OSBPL9: variants seen among roughly 807,000 people sequenced by gnomAD.
The protein encoded by OSBPL9 is oxysterol-binding protein-related protein 9.
OSBPL9 carries 40 observed loss-of-function variants against 106.6 expected under a neutral mutation model. The observed-to-expected ratio is 0.38, with a 90% CI of 0.29 to 0.49. The LOEUF is 0.49. Among genes scored for constraint, OSBPL9 ranks in the 20% least tolerant of loss-of-function variants. The pLI is 0.97. For synonymous variants in OSBPL9, 269 were observed against 295.4 expected (o/e 0.91, Z 0.92); for missense variants, 609 against 887.2 (o/e 0.69, Z 3.98).
chr1:51,782,327 T>A (rs1308406643), intron 16 of OSBPL9, among the ~76,000 whole-genome samples: 5 of 152,228 alleles, frequency 3.3e-5, no homozygotes, highest in African/African-American at 9.6e-5. Context: ...GATAAGTGCC[T>A]ACTCTTGTCA....
intron 11 of OSBPL9, among the ~76,000 whole-genome samples, chr1:51,762,693 A>T (rs1671779749): frequency 6.6e-6 from 1 of 152,076 alleles, no homozygotes; most frequent in South Asian, 2.1e-4. Context: ...GTGTATTTTT[A>T]TTGTTTTTGT....
chr1:51,528,626 C>G, the OSBPL9 span, among the ~76,000 whole-genome samples: 2 of 152,082 alleles, frequency 1.3e-5, no homozygotes, highest in African/African-American at 4.8e-5. Flanking sequence ...AACCCCAGCA[C>G]TTTGGGAGGT....
At chr1:51,764,758 AT>A (rs1220294950) in intron 11 of OSBPL9, among the ~76,000 whole-genome samples, 1 of 151,878 alleles carries the variant, frequency 6.6e-6, no homozygotes, top group African/African-American at 2.4e-5. Context: ...TTATTTATCT[AT>A]TTTTTTAAGA....
intron 1 of OSBPL9, among the ~76,000 whole-genome samples, chr1:51,593,707 A>C (rs1210932553): frequency 6.6e-6 from 1 of 152,148 alleles, no homozygotes; most frequent in African/African-American, 2.4e-5. Context: ...TGCTACCCTC[A>C]AAACAGTATT....
chr1:51,600,150 C>T (rs1164621205), intron 2 of OSBPL9, among the ~76,000 whole-genome samples: 2 of 152,214 alleles, frequency 1.3e-5, no homozygotes, highest in African/African-American at 4.8e-5. Context: ...TGGAGGGACA[C>T]TTACATTCAA....
intron 1 of OSBPL9, among the ~76,000 whole-genome samples, chr1:51,644,555 C>T (rs369517974): frequency 7.1e-4 from 108 of 152,048 alleles, no homozygotes; most frequent in Non-Finnish European, 1.2e-3. Context: ...CTTGAACTCC[C>T]GACCTCATGT....
In OSBPL9 at chr1:51,737,402, A is replaced by G. The variant is rs1319076710; in HGVS notation, c.319-8134A>G. On this transcript the variant is annotated intron_variant, in intron 4 of 23. Coordinates refer to ENST00000428468, the MANE Select transcript of OSBPL9 (RefSeq NM_024586.6). ...AATGTAAATTATAAAATAAATGCATATTTATTTTAAAAAATTAAACAACAT... is the reference window on the plus strand; with the variant it reads ...AATGTAAATTATAAAATAAATGCATGTTTATTTTAAAAAATTAAACAACAT... Among the ~76,000 whole-genome samples, 8 of 152,126 alleles carry G rather than the reference A, an allele frequency of 5.3e-5. No homozygotes were observed. In the East Asian group the frequency reaches 1.5e-3, roughly 29 times the overall value.
the OSBPL9 span, among the ~76,000 whole-genome samples, chr1:51,530,179 A>AAAAAAAAAAAAAAAAC: frequency 8.8e-6 from 1 of 114,122 alleles, no homozygotes; most frequent in Non-Finnish European, 1.8e-5. Flanking sequence ...TCAAAAAAAA[A>AAAAAAAAAAAAAAAAC]AAAAAAAAAA....
chr1:51,607,153 C>CTTTACTTTTTTT (rs1557582737), intron 2 of OSBPL9, among the ~76,000 whole-genome samples: 1 of 148,812 alleles, frequency 6.7e-6, no homozygotes, highest in African/African-American at 2.5e-5. Flanking sequence ...TTTTTCTTTT[C>CTTTACTTTTTTT]TTTTCTTTTT....
chr1:51,563,888 T>TG, the OSBPL9 span: 1 of 151,380 alleles, frequency 6.6e-6, no homozygotes, highest in African/African-American at 2.4e-5. Flanking sequence ...AAGACCGGCC[T>TG]GGGCAATATA....
chr1:51,718,549 C>G (rs540260700), intron 4 of OSBPL9, among the ~76,000 whole-genome samples: 1 of 152,174 alleles, frequency 6.6e-6, no homozygotes, highest in East Asian at 1.9e-4. Flanking sequence ...TTGGATAGTT[C>G]GTCTGTATAC....
chr1:51,543,925 C>T, the OSBPL9 span, among the ~76,000 whole-genome samples: 9 of 152,214 alleles, frequency 5.9e-5, no homozygotes, highest in South Asian at 2.1e-4. Flanking sequence ...ATCAATTCTA[C>T]GTCCATCAGC....
At position 51,664,477 on chromosome 1, in the gene OSBPL9, G is replaced by C. The variant is rs533785375; in HGVS notation, c.163-4957G>C. Among the ~76,000 whole-genome samples, 25 of 152,180 alleles carry C rather than the reference G, an allele frequency of 1.6e-4. No homozygotes were observed. In the South Asian group the frequency reaches 5.2e-3, roughly 32 times the overall value. On this transcript the variant is annotated intron_variant, in intron 2 of 23. Coordinates refer to ENST00000428468, the MANE Select transcript of OSBPL9 (RefSeq NM_024586.6). ...AGGCTGGGATGGGTGGATCACTTGA[G>C]GCCAGGAGTTTGAGACCAGCTTGGC...
chr1:51,729,802 A>AGGGGTGG lies in OSBPL9; in HGVS notation c.319-15727_319-15721dup. ...CCCTCCGCCGGGGAGGGGACGGGAA[A>AGGGGTGG]GGGGTGGGGGGTGAAGGGGGTGAAG... On this transcript the variant is annotated intron_variant, in intron 4 of 23. Coordinates refer to ENST00000428468, the MANE Select transcript of OSBPL9 (RefSeq NM_024586.6). This position sits in a 1 kb window ranked among gnomAD's most constrained non-coding sequence, Gnocchi z 5.1. The AGGGGTGG allele has an allele frequency of 8.5e-7, 1 of 1,171,604 alleles. No individual in the cohort carries two copies. The highest frequency in any genetic ancestry group is 1.1e-6 in the Non-Finnish European group (1 of 934,172). 72.6% of individuals were successfully genotyped at this position (1,171,604 alleles called of 1,614,324 possible).
chr1:51,595,235 G>A (rs1443616742), intron 1 of OSBPL9, among the ~76,000 whole-genome samples: 4 of 152,166 alleles, frequency 2.6e-5, no homozygotes, highest in Non-Finnish European at 5.9e-5. Context: ...CTAGGAGTTA[G>A]GGAGTGGAAT....
At chr1:51,578,338 T>A (rs1645198608) in intron 1 of OSBPL9, among the ~76,000 whole-genome samples, 1 of 152,238 alleles carries the variant, frequency 6.6e-6, no homozygotes, top group East Asian at 1.9e-4. Context: ...TAATTATTTT[T>A]CTGGGTGAAC....
the OSBPL9 span, among the ~76,000 whole-genome samples, chr1:51,537,323 C>A: frequency 1.3e-5 from 2 of 152,046 alleles, no homozygotes; most frequent in Non-Finnish European, 2.9e-5. Flanking sequence ...TTTTTTAACA[C>A]CTCCTTGCTT....
At chr1:51,752,578 T>C in intron 8 of OSBPL9, 1 of 454,912 alleles carries the variant, frequency 2.2e-6, no homozygotes, top group Middle Eastern at 4.1e-4. Context: ...CAAAATACCA[T>C]AGACTGGGTG....
At chr1:51,725,039 G>T (rs1662862500) in intron 4 of OSBPL9, 1 of 149,884 alleles carries the variant, frequency 6.7e-6, no homozygotes, top group Non-Finnish European at 1.5e-5. Flanking sequence ...TCTTTTCTCT[G>T]TTTCTTCTTC....
Sources: gnomAD v4.1 joint callset for allele counts (sites outside exome capture counted in the v4.1 genomes callset) on GRCh38, gnomAD v4.1.1 for gene constraint, Gnocchi (gnomAD v3.1) non-coding constraint, MANE v1.5 for transcripts, NCBI Gene and HGNC (gene_info 2026-07-23, HGNC 2026-07-21) for gene names.